Variants in CPED1 observed in about 807,000 individuals in gnomAD.
CPED1 encodes cadherin like and PC-esterase domain containing 1, also known as cadherin-like and PC-esterase domain-containing protein 1.
In CPED1, 114 loss-of-function variants were observed where a neutral mutation model predicts 128.2. The ratio of observed to expected loss-of-function variants is 0.89; its 90% CI spans 0.76 to 1.04. The LOEUF is 1.04. Ranked by LOEUF, CPED1 falls within the 50% of genes least tolerant of loss-of-function variation. CPED1 has a pLI of 0.00. For missense variants in CPED1, 1,211 were observed against 1,207.1 expected (o/e 1.00, Z -0.05); for synonymous variants, 462 against 426.7 (o/e 1.08, Z -1.02).
chr7:121,194,134 GCCT>G (rs1241531282), intron 16 of CPED1, among the ~76,000 whole-genome samples: 1 of 141,536 alleles, frequency 7.1e-6, no homozygotes, highest in Non-Finnish European at 1.5e-5. Context: ...TGCAACCTCT[GCCT>G]CCCAGGTTCA....
At chr7:121,054,295 G>A (rs1793436707) in intron 4 of CPED1, among the ~76,000 whole-genome samples, 1 of 152,092 alleles carries the variant, frequency 6.6e-6, no homozygotes, top group Non-Finnish European at 1.5e-5. Context: ...AACACCACAA[G>A]GTTTATTATA....
At chr7:121,096,295 TAC>T in intron 5 of CPED1, among the ~76,000 whole-genome samples, 2 of 152,314 alleles carry the variant, frequency 1.3e-5, no homozygotes, top group South Asian at 4.1e-4. Context: ...TGCTGACTTT[TAC>T]TTAAGAGTGT....
chr7:121,187,453 A>C (rs990059187), intron 16 of CPED1, among the ~76,000 whole-genome samples: 2 of 152,170 alleles, frequency 1.3e-5, no homozygotes, highest in African/African-American at 4.8e-5. Flanking sequence ...AATAAGGGAG[A>C]GGGTGATATA....
intron 14 of CPED1, among the ~76,000 whole-genome samples, chr7:121,138,731 G>T (rs1212919619): frequency 6.6e-6 from 1 of 152,036 alleles, no homozygotes; most frequent in Non-Finnish European, 1.5e-5. Context: ...TTTGAAAAAA[G>T]ATCTTCCTCT....
At chr7:121,218,044 G>A (rs1194764763) in intron 16 of CPED1, among the ~76,000 whole-genome samples, 1 of 151,352 alleles carries the variant, frequency 6.6e-6, no homozygotes, top group Admixed American at 6.6e-5. Flanking sequence ...GAGTGCAGTG[G>A]CACAATCTCG....
intron 16 of CPED1, among the ~76,000 whole-genome samples, chr7:121,234,779 T>C (rs540453309): frequency 2.6e-5 from 4 of 152,096 alleles, no homozygotes; most frequent in Non-Finnish European, 4.4e-5. Flanking sequence ...ACAAAATCAA[T>C]ATTTAGTACA....
At chr7:121,256,984 C>G (rs551338703) in intron 18 of CPED1, among the ~76,000 whole-genome samples, 1 of 151,984 alleles carries the variant, frequency 6.6e-6, no homozygotes, top group Non-Finnish European at 1.5e-5. Flanking sequence ...AAATAAAATA[C>G]TACATTTTCT....
chr7:121,279,070 A>C (rs1421391244), intron 22 of CPED1, among the ~76,000 whole-genome samples: 2 of 152,188 alleles, frequency 1.3e-5, no homozygotes, highest in Non-Finnish European at 2.9e-5. Context: ...TTAAGGTTTA[A>C]TGTTCTAATT....
intron 5 of CPED1, among the ~76,000 whole-genome samples, chr7:121,069,578 T>A (rs531556405): frequency 6.6e-6 from 1 of 152,264 alleles, no homozygotes; most frequent in Non-Finnish European, 1.5e-5. Flanking sequence ...AGAGTGTACC[T>A]GACATTAGAC....
intron 5 of CPED1, among the ~76,000 whole-genome samples, chr7:121,066,738 A>C (rs778719300): frequency 1.2e-4 from 18 of 152,282 alleles, no homozygotes; most frequent in Middle Eastern, 3.4e-3. Flanking sequence ...GCCAACTATC[A>C]GCACATGTAC....
At chr7:121,263,455 T>C (rs1234617645) in intron 18 of CPED1, among the ~76,000 whole-genome samples, 1 of 152,086 alleles carries the variant, frequency 6.6e-6, no homozygotes. Flanking sequence ...ATATGAAAAG[T>C]ATTTAAAATC....
At chr7:121,268,173 G>T (rs530089844) in intron 21 of CPED1, among the ~76,000 whole-genome samples, 1 of 152,166 alleles carries the variant, frequency 6.6e-6, no homozygotes, top group South Asian at 2.1e-4. Context: ...GGGGACCTTT[G>T]ATAATGTCTT....
chr7:121,214,351 G>A (rs1276832084), intron 16 of CPED1, among the ~76,000 whole-genome samples: 1 of 151,934 alleles, frequency 6.6e-6, no homozygotes, highest in Non-Finnish European at 1.5e-5. Flanking sequence ...AGAGTGTAGT[G>A]GTGCAATCTT....
intron 22 of CPED1, among the ~76,000 whole-genome samples, chr7:121,272,123 A>T (rs1426553223): frequency 6.6e-6 from 1 of 152,018 alleles, no homozygotes; most frequent in East Asian, 1.9e-4. Flanking sequence ...ATCAATACTA[A>T]AATTGTCCCA....
intron 3 of CPED1, among the ~76,000 whole-genome samples, chr7:121,018,623 T>A (rs1792363768): frequency 6.6e-6 from 1 of 152,100 alleles, no homozygotes; most frequent in Non-Finnish European, 1.5e-5. Flanking sequence ...TTTTTCATCC[T>A]AGGACAATAA....
intron 3 of CPED1, among the ~76,000 whole-genome samples, chr7:121,028,973 C>G (rs10229719): frequency 0.8 from 121,261 of 151,976 alleles, 48,650 homozygotes; most frequent in East Asian, 0.94. Context: ...TAATAATAAA[C>G]CATTTTTAGC....
At chr7:121,243,661 A>G (rs1379899196) in intron 17 of CPED1, among the ~76,000 whole-genome samples, 1 of 152,244 alleles carries the variant, frequency 6.6e-6, no homozygotes, top group African/African-American at 2.4e-5. Context: ...AGAGGTGAAG[A>G]CATTCACACG....
intron 4 of CPED1, among the ~76,000 whole-genome samples, chr7:121,053,087 A>G (rs1017259087): frequency 2.6e-5 from 4 of 152,174 alleles, no homozygotes; most frequent in Non-Finnish European, 5.9e-5. Flanking sequence ...AGATTTTTCC[A>G]AATACCTTTC....
intron 2 of CPED1, among the ~76,000 whole-genome samples, chr7:121,009,104 T>A (rs1792097381): frequency 6.6e-6 from 1 of 152,126 alleles, no homozygotes; most frequent in Admixed American, 6.6e-5. Context: ...GTTGCTTATG[T>A]CTGATTTTCT....
Sources: gnomAD v4.1 joint callset for allele counts (sites outside exome capture counted in the v4.1 genomes callset) on GRCh38, gnomAD v4.1.1 for gene constraint, MANE v1.5 for transcripts, NCBI Gene and HGNC (gene_info 2026-07-23, HGNC 2026-07-21) for gene names.